Variants in MMS19 observed in about 807,000 individuals in gnomAD.
MMS19 encodes MMS19 cytosolic iron-sulfur assembly component, also known as MMS19 nucleotide excision repair protein homolog.
MMS19 carries 77 observed loss-of-function variants against 129.8 expected under a neutral mutation model. That is an observed-to-expected ratio of 0.59 (90% CI 0.49 to 0.72). The LOEUF is 0.72. MMS19 is among the 30% of genes least tolerant of loss of function. The probability of loss-of-function intolerance (pLI) is 0.00; values close to 1 mark genes in which losing one functional copy is unlikely to be tolerated. For synonymous variants in MMS19, 491 were observed against 502.8 expected, an observed-to-expected ratio of 0.98 and a Z score of 0.31; for missense variants, 1,168 against 1,266.3, an observed-to-expected ratio of 0.92 and a Z score of 1.18.
intron 2 of MMS19, among the ~76,000 whole-genome samples, chr10:97,483,712 C>T (rs2037303384): frequency 6.6e-6 from 1 of 152,218 alleles, no homozygotes; most frequent in African/African-American, 2.4e-5. Context: ...TGGGAACTCC[C>T]CACACAGGGC....
chr10:97,498,600 G>A, upstream of MMS19: 1 of 575,554 alleles, frequency 1.7e-6, no homozygotes, highest in Non-Finnish European at 3.0e-6. Flanking sequence ...GCACGCAGCC[G>A]GAGGCGATTG....
intron 3 of MMS19, chr10:97,480,158 T>C (rs1195755141): frequency 7.8e-6 from 3 of 384,840 alleles, no homozygotes; most frequent in African/African-American, 6.4e-5. Context: ...TTGCCGGCTA[T>C]GTGAATGACA....
In MMS19 at chr10:97,478,320, T is replaced by C. The variant is rs766934354; in HGVS notation, c.332A>G (p.Gln111Arg). Residue 111 changes from glutamine to arginine, a missense_variant, in exon 4 of 31, where the codon CAG (glutamine) becomes CGG (arginine). Physicochemically the swap from Gln to Arg is conservative, Grantham distance 43. This residue lies in a region of MMS19 where 329 missense variants were observed against 328.6 expected (regional missense o/e 1.00). Coordinates refer to ENST00000438925, the MANE Select transcript of MMS19 (RefSeq NM_022362.5). ...AAAACTCACAAGTGCCTTCAAACCC[T>C]GCAGGACAGATGGGATCACAAGATG... is the stretch of plus-strand genomic sequence containing the variant. Reference protein sequence around the residue: ...DHHLVIPSVLQGLKALSLCVA... With the variant: ...DHHLVIPSVLRGLKALSLCVA... 21 of 1,601,328 alleles carry C rather than the reference T, an allele frequency of 1.3e-5. No individual in the cohort carries two copies. The Admixed American group carries it at 3.4e-4, about 26-fold the overall frequency.
chr10:97,470,591 G>A (rs2034481741), intron 9 of MMS19, among the ~76,000 whole-genome samples, 184 bp downstream of exon 9: 1 of 152,102 alleles, frequency 6.6e-6, no homozygotes, highest in South Asian at 2.1e-4. Context: ...ATCCAGCTCT[G>A]GATTATGAAG....
intron 18 of MMS19, among the ~76,000 whole-genome samples, chr10:97,465,452 T>A (rs1186357900): frequency 6.6e-6 from 1 of 152,246 alleles, no homozygotes; most frequent in East Asian, 1.9e-4. Context: ...TACAGGCGCA[T>A]GCCACCATGC....
At chr10:97,484,891 A>G (rs1028875427) in intron 1 of MMS19, among the ~76,000 whole-genome samples, 14 of 152,016 alleles carry the variant, frequency 9.2e-5, no homozygotes, top group Non-Finnish European at 4.4e-5. Flanking sequence ...TGATCCTCCC[A>G]CCTCAGCCTC....
At chr10:97,467,748 C>T (rs543401543) in intron 13 of MMS19, 165 bp from the exon 14 acceptor site, 8 of 627,046 alleles carry the variant, frequency 1.3e-5, no homozygotes, top group East Asian at 5.6e-5. Context: ...CCTGCAGCCC[C>T]GACCTCCTAG....
At chr10:97,476,561 T>C (rs2035816859) in intron 8 of MMS19, 122 bp downstream of exon 8, 8 of 757,648 alleles carry the variant, frequency 1.1e-5, no homozygotes, top group Non-Finnish European at 1.7e-5. Flanking sequence ...TTTATTAAAA[T>C]ATAAAATAAT....
rs29001251 is a variant in MMS19, at chr10:97,497,892, T to A, written c.112+381A>T. On this transcript the variant is annotated intron_variant, in intron 1 of 30. Transcript: ENST00000438925. ...GAGGATGCACCTCCACACGTCAACC[T>A]CCCACAAACAGCATGGCTTCGTGGC... Among the ~76,000 whole-genome samples the A allele has an allele frequency of 4.1e-4, 62 of 152,146 alleles. 1 individual carries two copies. In the East Asian group the frequency reaches 0.011, roughly 27 times the overall value.
chr10:97,488,274 A>C (rs537334407), intron 1 of MMS19, among the ~76,000 whole-genome samples: 10 of 152,326 alleles, frequency 6.6e-5, no homozygotes, highest in Middle Eastern at 3.4e-3. Context: ...AAAGACAAAA[A>C]ACTTAGCAAT....
chr10:97,460,976 A>G lies in MMS19; in HGVS notation c.2343T>C (p.Ala781=), dbSNP rs1341893643. 1 of 1,569,144 alleles carries G rather than the reference A, an allele frequency of 6.4e-7. No homozygotes were observed. Among genetic ancestry groups the G allele is most frequent in the African/African-American group, 1.4e-5 (1 of 74,000 alleles). The part of the protein sequence containing the change: ...GQQLDEFLQL[A]VDKVEAGLGS... The stretch of plus-strand genomic sequence containing the variant: ...CCAGGCCAGCCTCCACTTTGTCCAC[A>G]GCTAGCTGTAGGAATTCATCCAGCT... Residue 781 remains alanine (A), a synonymous_variant, in exon 24 of 31, where the codon GCT becomes GCC. Transcript: ENST00000438925.
intron 3 of MMS19, among the ~76,000 whole-genome samples, chr10:97,480,665 T>C (rs2036627136): frequency 1.3e-5 from 2 of 152,224 alleles, no homozygotes; most frequent in South Asian, 4.2e-4. Flanking sequence ...CACTGCAACT[T>C]CCATCTCCTG....
chr10:97,469,381 T>C (rs1288255110), intron 11 of MMS19, among the ~76,000 whole-genome samples: 1 of 152,220 alleles, frequency 6.6e-6, no homozygotes, highest in Non-Finnish European at 1.5e-5. Context: ...AAAGGCACCA[T>C]GACCTGCACT....
rs1162496755 is a variant in MMS19 at position 97,498,368 on chromosome 10, G to T, written c.17C>A (p.Ala6Asp). The T allele has an allele frequency of 1.3e-6, 2 of 1,576,598 alleles. No homozygotes were observed. Among genetic ancestry groups the T allele is most frequent in the South Asian group, 1.1e-5 (1 of 87,648 alleles). Reference protein sequence around the residue: MAAAAAVEAAAPMGAL... With the variant: MAAAADVEAAAPMGAL... ...ACCCATAGGCGCCGCCGCCTCCACA[G>T]CCGCGGCAGCGGCCATAACGCGAAC... is the stretch of plus-strand genomic sequence containing the variant. Residue 6 changes from alanine (A) to aspartate (D), a missense_variant, in exon 1 of 31, where the codon GCT (alanine) becomes GAT (aspartate). This residue lies in a region of MMS19 where 329 missense variants were observed against 328.6 expected (regional missense o/e 1.00). Transcript: ENST00000438925.
chr10:97,460,799 G>A (rs769223838), intron 24 of MMS19, 48 bp from the exon 25 acceptor site: 53 of 1,550,896 alleles, frequency 3.4e-5, no homozygotes, highest in Admixed American at 9.5e-5. Context: ...ACTCAAACCC[G>A]AGAACCCTGA....
rs369953036 is a variant in MMS19, at chr10:97,484,126, C to T, written c.138G>A (p.Val46=). ...AADVKSGNYT[V]LQVVEALGSS... ...ACCCAAGGGCTTCCACAACTTGTAA[C>T]ACTGTATAGTTGCCAGATTTCACAT... The change falls in exon 2 of 31, where the codon GTG becomes GTA. Residue 46 remains valine, a synonymous_variant. Transcript: ENST00000438925. 6.5e-6 allele frequency: 10 copies of T among 1,544,470 alleles called. No homozygotes were observed. The highest frequency in any genetic ancestry group is 5.5e-5 in the African/African-American group (4 of 72,920).
intron 30 of MMS19, 33 bp downstream of exon 30, chr10:97,458,767 G>A: frequency 6.2e-7 from 1 of 1,613,382 alleles, no homozygotes; most frequent in South Asian, 1.1e-5. Flanking sequence ...GGCTCATCTT[G>A]GTCCCATCTC....
intron 4 of MMS19, 46 bp downstream of exon 4, chr10:97,478,258 G>C: frequency 6.8e-7 from 1 of 1,466,010 alleles, no homozygotes; most frequent in East Asian, 2.4e-5. Context: ...AACTAGACAA[G>C]GGCTCCCTTG....
chr10:97,462,552 G>T, intron 20 of MMS19, 31 bp downstream of exon 20: 1 of 1,527,072 alleles, frequency 6.5e-7, no homozygotes, highest in Non-Finnish European at 9.1e-7. Context: ...CCTTCTCCCT[G>T]GGTTCAAGCC....
Sources: allele counts gnomAD v4.1 joint callset (sites outside exome capture counted in the v4.1 genomes callset), GRCh38; gene constraint gnomAD v4.1.1; regional missense constraint gnomAD v4.1.1; transcripts MANE v1.5; gene names NCBI Gene and HGNC (gene_info 2026-07-23, HGNC 2026-07-21).